Variants in IL6ST observed in about 807,000 individuals in gnomAD.
IL6ST encodes the protein interleukin-6 receptor subunit beta.
IL6ST carries 24 observed loss-of-function variants against 91.3 expected under a neutral mutation model. That is an observed-to-expected ratio of 0.26 (90% CI 0.19 to 0.37). IL6ST has a LOEUF of 0.37. Among genes scored for constraint, IL6ST ranks in the 10% least tolerant of loss-of-function variants. IL6ST has a pLI of 1.00. For synonymous variants in IL6ST, 351 were observed against 373.6 expected, an observed-to-expected ratio of 0.94 and a Z score of 0.70; for missense variants, 914 against 1,078.5, an observed-to-expected ratio of 0.85 and a Z score of 2.14.
At chr5:55,953,611 C>A (rs978825556) in intron 11 of IL6ST, among the ~76,000 whole-genome samples, 3 of 152,232 alleles carry the variant, frequency 2.0e-5, no homozygotes, top group Non-Finnish European at 4.4e-5. Context: ...GTCTCGAACT[C>A]CCGACCTCAG....
At chr5:55,961,915 C>T (rs1752341319) in intron 7 of IL6ST, among the ~76,000 whole-genome samples, 1 of 152,136 alleles carries the variant, frequency 6.6e-6, no homozygotes, top group Admixed American at 6.5e-5. Context: ...CAGATGAAAT[C>T]TATACAGGTC....
In IL6ST at chr5:55,937,664, T is replaced by C. The variant is rs1750623473; in HGVS notation, c.*3418A>G. 5.1e-6 allele frequency: 1 copy of C among 195,834 alleles called. No individual in the cohort carries two copies. The highest frequency in any genetic ancestry group is 2.3e-5 in the African/African-American group (1 of 43,208). The allele number at this position is 195,834 out of a possible 1,614,324, so 12.1% of individuals were successfully genotyped here. On this transcript the variant is annotated 3_prime_UTR_variant, in exon 17 of 17. Coordinates refer to ENST00000381298, the MANE Select transcript of IL6ST (RefSeq NM_002184.4). ...CTTTTAATTTACAGAAAAGTACAAA[T>C]TTTTTAGAAAGTAATCTTATCAGCA... is the stretch of plus-strand genomic sequence containing the variant.
chr5:55,988,623 G>A (rs939627571), intron 1 of IL6ST, among the ~76,000 whole-genome samples: 6 of 151,742 alleles, frequency 4.0e-5, no homozygotes, highest in African/African-American at 4.8e-5. Context: ...AAAATTAGCC[G>A]GGAGTGGTGG....
chr5:55,972,326 C>T (rs934466922), intron 3 of IL6ST, among the ~76,000 whole-genome samples: 1 of 151,644 alleles, frequency 6.6e-6, no homozygotes, highest in East Asian at 2.0e-4. Flanking sequence ...TCGTGGCTAA[C>T]ATAGTGAAAC....
At chr5:55,952,160 T>G (rs1253418771) in intron 12 of IL6ST, 85 bp from the exon 13 acceptor site, 1 of 1,483,926 alleles carries the variant, frequency 6.7e-7, no homozygotes, top group African/African-American at 1.4e-5. Context: ...TTGAACATAA[T>G]GAGATACATC....
chr5:55,993,837 G>A (rs558481248), intron 1 of IL6ST, among the ~76,000 whole-genome samples: 19 of 152,234 alleles, frequency 1.2e-4, no homozygotes, highest in African/African-American at 4.6e-4. Context: ...CTAAACTGAT[G>A]ATCTGAGTCC....
chr5:55,968,000 T>C (rs1016709431), intron 5 of IL6ST, among the ~76,000 whole-genome samples: 3 of 152,080 alleles, frequency 2.0e-5, no homozygotes, highest in Non-Finnish European at 4.4e-5. Flanking sequence ...TTTGCTCTGG[T>C]TGGCCAGGCT....
intron 2 of IL6ST, among the ~76,000 whole-genome samples, chr5:55,979,278 T>C (rs1264934717): frequency 6.6e-6 from 1 of 152,164 alleles, no homozygotes; most frequent in Non-Finnish European, 1.5e-5. Flanking sequence ...CTCTGCATGA[T>C]TTATTTTACA....
At chr5:55,950,535 CAAAAAAAAAAAAAA>C (rs70995750) in intron 14 of IL6ST, among the ~76,000 whole-genome samples, 1 of 29,364 alleles carries the variant, frequency 3.4e-5, no homozygotes, top group South Asian at 2.0e-3. Flanking sequence ...GACTCTGTCT[CAAAAAAAAAAAAAA>C]AAAAAAAAAA....
intron 14 of IL6ST, 126 bp from the exon 15 acceptor site, chr5:55,947,715 T>C: frequency 1.6e-6 from 1 of 606,504 alleles, no homozygotes; most frequent in Non-Finnish European, 2.9e-6. Flanking sequence ...ACAATCCTAA[T>C]TATTTTTCAA....
At chr5:55,977,446 G>A (rs554672035) in intron 2 of IL6ST, among the ~76,000 whole-genome samples, 1 of 152,072 alleles carries the variant, frequency 6.6e-6, no homozygotes, top group African/African-American at 2.4e-5. Flanking sequence ...TAGGGCTGAG[G>A]TAGAGAAGGC....
Position 55,964,265 on chromosome 5 carries a change from G to T in IL6ST, c.539C>A (p.Thr180Asn), listed in dbSNP as rs1752510119. The T allele has an allele frequency of 1.2e-6, 2 of 1,611,846 alleles. No individual in the cohort carries two copies. Among genetic ancestry groups the T allele is most frequent in the African/African-American group, 2.7e-5 (2 of 74,832 alleles). ...AGTAGAATAATCAACAGTGCATGAG[G>T]TGGGGGTGTCACGTTTTGCTTTGCA... ...ADCKAKRDTP[T>N]SCTVDYSTVY... Residue 180 changes from threonine to asparagine, a missense_variant, in exon 6 of 17, where the codon ACC (threonine) becomes AAC (asparagine). By Grantham distance (65) the Thr-to-Asn change is moderately conservative (BLOSUM62 0). Transcript: ENST00000381298.
intron 1 of IL6ST, among the ~76,000 whole-genome samples, chr5:55,987,297 CTAAATAGATT>C (rs1754029322): frequency 6.6e-6 from 1 of 152,100 alleles, no homozygotes; most frequent in East Asian, 1.9e-4. Flanking sequence ...AGAGAAAAGT[CTAAATAGATT>C]TGAAAACAAA....
rs551130374 is a variant in IL6ST, at chr5:55,960,533, C to A, written c.842G>T (p.Arg281Leu). The A allele has an allele frequency of 6.2e-7, 1 of 1,613,462 alleles. No homozygotes were observed. Among genetic ancestry groups the A allele is most frequent in the South Asian group, 1.1e-5 (1 of 90,868 alleles). Residue 281 changes from arginine (R) to leucine (L), a missense_variant, in exon 8 of 17, where the codon CGA becomes CTA. Transcript: ENST00000381298. ...AAGGTCTTGGACAGTGAATGAAGAT[C>A]GGGTGGATGCTGTGTCTTCAGGAGG... is the stretch of plus-strand genomic sequence containing the variant. ...QIPPEDTAST[R>L]SSFTVQDLKP...
At position 55,952,365 on chromosome 5, in the gene IL6ST, A is replaced by G. The variant is rs371552637; in HGVS notation, c.1451-14T>C. Reference sequence around the variant, plus strand: ...CTGCTAAGTTCCCTAAAGCAAGAATAGCAGATTAAGCATGTTTTTCCATAA... The same window carrying G: ...CTGCTAAGTTCCCTAAAGCAAGAATGGCAGATTAAGCATGTTTTTCCATAA... On this transcript the variant is annotated splice_polypyrimidine_tract_variant and intron_variant, in intron 11 of 16. Coordinates refer to ENST00000381298, the MANE Select transcript of IL6ST (RefSeq NM_002184.4). 4 of 1,376,724 alleles carry G rather than the reference A, an allele frequency of 2.9e-6. No homozygotes were observed. Among genetic ancestry groups the G allele is most frequent in the Non-Finnish European group, 4.1e-6 (4 of 981,636 alleles). The allele number at this position is 1,376,724 out of a possible 1,614,324, so 85.3% of individuals were successfully genotyped here. A position where few individuals can be genotyped will look rare whatever the true frequency, so the allele number is the denominator to read the frequency against.
chr5:55,961,662 G>A (rs1364736651), intron 7 of IL6ST, among the ~76,000 whole-genome samples: 1 of 151,852 alleles, frequency 6.6e-6, no homozygotes, highest in East Asian at 1.9e-4. Context: ...GGAGTCTGAG[G>A]CAGAAGAATC....
intron 1 of IL6ST, among the ~76,000 whole-genome samples, chr5:55,984,090 T>C (rs1387509016): frequency 6.6e-6 from 1 of 152,198 alleles, no homozygotes; most frequent in African/African-American, 2.4e-5. Context: ...ATAAATATTT[T>C]AGATTTCGTG....
At chr5:55,974,673 A>G (rs1254621740) in intron 3 of IL6ST, among the ~76,000 whole-genome samples, 6 of 152,138 alleles carry the variant, frequency 3.9e-5, no homozygotes, top group South Asian at 4.2e-4. Flanking sequence ...TTTAGTAGAT[A>G]CGGGGTTTTA....
At chr5:55,978,459 G>A (rs1753448146) in intron 2 of IL6ST, 2 of 152,438 alleles carry the variant, frequency 1.3e-5, no homozygotes, top group African/African-American at 4.8e-5. Context: ...TGGGCATGGT[G>A]GCTCACGCCT....
Sources: gnomAD v4.1 joint callset for allele counts (sites outside exome capture counted in the v4.1 genomes callset) on GRCh38, gnomAD v4.1.1 for gene constraint, MANE v1.5 for transcripts, NCBI Gene and HGNC (gene_info 2026-07-23, HGNC 2026-07-21) for gene names.